SUPT3H: variants seen among roughly 807,000 people sequenced by gnomAD.
The protein encoded by SUPT3H is transcription initiation protein SPT3 homolog.
Under a neutral mutation model 44.3 loss-of-function variants are expected in SUPT3H, and 44 were observed. The observed-to-expected ratio is 0.99, with a 90% CI of 0.78 to 1.28. SUPT3H has a LOEUF of 1.28. Ranked by LOEUF, SUPT3H falls within the 50% of genes most tolerant of loss-of-function variation. SUPT3H has a pLI of 0.00. For missense variants in SUPT3H, 380 were observed against 387.1 expected (o/e 0.98, Z 0.15); for synonymous variants, 124 against 125.6 (o/e 0.99, Z 0.09).
intron 2 of SUPT3H, among the ~76,000 whole-genome samples, chr6:45,179,747 A>T (rs190299946): frequency 0.017 from 2,663 of 152,306 alleles, 50 homozygotes; most frequent in South Asian, 0.084. Context: ...TCTATGACAA[A>T]CCCACAGCCA....
chr6:44,885,293 G>A (rs1778981355), intron 10 of SUPT3H, among the ~76,000 whole-genome samples: 1 of 152,196 alleles, frequency 6.6e-6, no homozygotes. Context: ...CTGGAGATCT[G>A]AGAACGGGCA....
At chr6:44,896,607 T>C (rs1232428525) in intron 10 of SUPT3H, among the ~76,000 whole-genome samples, 4 of 152,152 alleles carry the variant, frequency 2.6e-5, no homozygotes, top group Admixed American at 6.5e-5. Context: ...CACAACAAAA[T>C]TGGTTAACTG....
intron 2 of SUPT3H, among the ~76,000 whole-genome samples, chr6:45,139,779 T>C (rs1421660742): frequency 6.6e-6 from 1 of 152,082 alleles, no homozygotes; most frequent in African/African-American, 2.4e-5. Context: ...CACCTTCATA[T>C]ATCTCACAGG....
intron 2 of SUPT3H, among the ~76,000 whole-genome samples, chr6:45,152,680 C>T (rs766090590): frequency 4.0e-5 from 6 of 151,894 alleles, no homozygotes; most frequent in South Asian, 2.1e-4. Flanking sequence ...TTCGGAGAGA[C>T]GGGTTTTCAC....
At chr6:44,974,018 A>G (rs577240181) in intron 6 of SUPT3H, among the ~76,000 whole-genome samples, 115 of 152,234 alleles carry the variant, frequency 7.6e-4, no homozygotes, top group Non-Finnish European at 1.5e-3. Context: ...AATTGCTATA[A>G]CAGACTCCTA....
chr6:45,080,128 C>T (rs1249727741), intron 3 of SUPT3H, among the ~76,000 whole-genome samples: 1 of 152,030 alleles, frequency 6.6e-6, no homozygotes, highest in African/African-American at 2.4e-5. Flanking sequence ...CTGATTAAAA[C>T]ATGGGCAAAA....
At position 45,026,059 on chromosome 6, in the gene SUPT3H, G is replaced by C. The variant is rs555112231; in HGVS notation, c.187-5427C>G. ...AAACGGTAGGAGTTGTGGTGAGCTAGTATCATGAAGAGGCAGAATCCTAGG... is the reference window on the plus strand; with the variant it reads ...AAACGGTAGGAGTTGTGGTGAGCTACTATCATGAAGAGGCAGAATCCTAGG... On this transcript the variant is annotated intron_variant, in intron 3 of 10. Transcript: ENST00000371459. 3.3e-5 allele frequency among the ~76,000 whole-genome samples: 5 copies of C among 152,214 alleles called. No homozygotes were observed. In the East Asian group the frequency reaches 5.8e-4, roughly 18 times the overall value.
At chr6:45,124,742 A>G (rs72869147) in intron 2 of SUPT3H, among the ~76,000 whole-genome samples, 4 of 152,258 alleles carry the variant, frequency 2.6e-5, no homozygotes, top group Non-Finnish European at 5.9e-5. Flanking sequence ...AAAAACTGTT[A>G]TAGGTTGAAT....
chr6:45,240,189 C>T (rs1057426579), intron 2 of SUPT3H, among the ~76,000 whole-genome samples: 12 of 152,108 alleles, frequency 7.9e-5, no homozygotes, highest in African/African-American at 2.2e-4. Flanking sequence ...AGCAGGATTG[C>T]GAGGACCCCC....
intron 10 of SUPT3H, among the ~76,000 whole-genome samples, chr6:44,893,400 C>A (rs1346550977): frequency 6.6e-6 from 1 of 151,894 alleles, no homozygotes. Flanking sequence ...ACAACAGTCC[C>A]CAGAGTGTGA....
rs1171932163 is a variant in SUPT3H at position 45,095,128 on chromosome 6, C to T, written c.186+10794G>A. Reference sequence around the variant, plus strand: ...TGGTTTGCTGAACTACATATACATGCTCTGGCTTAGTACAAAGTATGAACG... The same window carrying T: ...TGGTTTGCTGAACTACATATACATGTTCTGGCTTAGTACAAAGTATGAACG... On this transcript the variant is annotated intron_variant, in intron 3 of 10. Coordinates refer to ENST00000371459, the MANE Select transcript of SUPT3H (RefSeq NM_003599.4). The surrounding 1 kb of genome is among the most constrained non-coding windows in gnomAD (Gnocchi z 4.1). 6.6e-6 allele frequency among the ~76,000 whole-genome samples: 1 copy of T among 152,104 alleles called. No individual in the cohort carries two copies. The highest frequency in any genetic ancestry group is 2.4e-5 in the African/African-American group (1 of 41,428).
intron 2 of SUPT3H, among the ~76,000 whole-genome samples, chr6:45,316,854 G>T (rs1784769756): frequency 6.6e-6 from 1 of 151,950 alleles, no homozygotes; most frequent in African/African-American, 2.4e-5. Flanking sequence ...ATGCCTGCAT[G>T]AACACTGAGG....
chr6:45,277,997 AC>A (rs1777307640), intron 2 of SUPT3H, among the ~76,000 whole-genome samples: 2 of 152,148 alleles, frequency 1.3e-5, no homozygotes, highest in Admixed American at 1.3e-4. Context: ...GAAGCTGGAA[AC>A]CCTCATTCTC....
At chr6:45,164,868 CA>C (rs1255428044) in intron 2 of SUPT3H, among the ~76,000 whole-genome samples, 2 of 152,074 alleles carry the variant, frequency 1.3e-5, no homozygotes, top group African/African-American at 4.8e-5. Context: ...TCATACCAAA[CA>C]AAAGTTTAAG....
chr6:44,965,593 T>TAA (rs36024684), intron 6 of SUPT3H, among the ~76,000 whole-genome samples: 1 of 150,016 alleles, frequency 6.7e-6, no homozygotes, highest in African/African-American at 2.5e-5. Context: ...CTGAATTGTT[T>TAA]AAAAAAAAAA....
downstream of SUPT3H, among the ~76,000 whole-genome samples, chr6:44,822,996 T>C (rs1427827838): frequency 6.6e-6 from 1 of 151,056 alleles, no homozygotes; most frequent in Non-Finnish European, 1.5e-5. Flanking sequence ...CGCATGCCTG[T>C]AATCCCAGCT....
intron 2 of SUPT3H, among the ~76,000 whole-genome samples, chr6:45,214,455 A>G (rs954907246): frequency 3.3e-5 from 5 of 152,200 alleles, no homozygotes; most frequent in African/African-American, 4.8e-5. Context: ...CAGAAAGGAA[A>G]GAAATACAGA....
rs556173230 is a variant in SUPT3H at position 45,113,809 on chromosome 6, G to A, written c.102-7803C>T. 4.0e-3 allele frequency among the ~76,000 whole-genome samples: 515 copies of A among 129,884 alleles called. 4 individuals carry two copies. The highest frequency in any genetic ancestry group is 0.015 in the African/African-American group (499 of 32,248). 85.2% of individuals were successfully genotyped at this position (129,884 alleles called of 152,430 possible). A position where few individuals can be genotyped will look rare whatever the true frequency, so the allele number is the denominator to read the frequency against. On this transcript the variant is annotated intron_variant, in intron 2 of 10. Transcript: ENST00000371459. ...TGAGCCATTGCACTCCAGCCTGGGC[G>A]ACAGAGCAAGACTCCATCAAAAAAA...
chr6:45,186,177 G>A (rs1320640550), intron 2 of SUPT3H, among the ~76,000 whole-genome samples: 1 of 152,134 alleles, frequency 6.6e-6, no homozygotes, highest in Non-Finnish European at 1.5e-5. Context: ...CAGGCAGTGG[G>A]AAGGTGAGAA....
Sources: allele counts gnomAD v4.1 joint callset (sites outside exome capture counted in the v4.1 genomes callset), GRCh38; gene constraint gnomAD v4.1.1; non-coding constraint Gnocchi (gnomAD v3.1); transcripts MANE v1.5; gene names NCBI Gene and HGNC (gene_info 2026-07-23, HGNC 2026-07-21).